Variants in NKPD1 observed in about 807,000 individuals in gnomAD.
The protein encoded by NKPD1 is NTPase KAP family P-loop domain-containing protein 1.
NKPD1 carries 37 observed loss-of-function variants against 42.2 expected under a neutral mutation model. The observed-to-expected ratio is 0.88, with a 90% CI of 0.67 to 1.15. The LOEUF (loss-of-function observed/expected upper bound fraction) is 1.15. NKPD1 is among the 50% of genes most tolerant of loss of function. The pLI, the probability that NKPD1 is intolerant of heterozygous loss-of-function variation, is 0.00. For missense variants in NKPD1, 1,113 were observed against 1,174.6 expected (o/e 0.95, Z 0.77); for synonymous variants, 552 against 536.5 (o/e 1.03, Z -0.40).
chr19:45,152,924 C>G lies in NKPD1; in HGVS notation c.1513G>C (p.Ala505Pro). 6.3e-7 allele frequency: 1 copy of G among 1,580,040 alleles called. No homozygotes were observed. The highest frequency in any genetic ancestry group is 8.6e-7 in the Non-Finnish European group (1 of 1,161,066). Reference sequence around the variant, plus strand: ...TCGGCCGTGCCCTTCATGTTGCCCGCGCTCTCTAGGCACGCGGCCAGGATG... The same window carrying G: ...TCGGCCGTGCCCTTCATGTTGCCCGGGCTCTCTAGGCACGCGGCCAGGATG... ...PSILAACLES[A>P]GNMKGTADNG... The change falls in exon 5 of 5, where the codon GCG becomes CCG. Residue 505 changes from alanine to proline, a missense_variant. Physicochemically the swap from Ala to Pro is conservative, Grantham distance 27. This residue lies in a region of NKPD1 where 867 missense variants were observed against 870.1 expected (regional missense o/e 1.00). Coordinates refer to ENST00000686631, the MANE Select transcript of NKPD1 (RefSeq NM_198478.4).
rs1431893138 is a variant in NKPD1 at position 45,149,942 on chromosome 19, T to C, written c.*1996A>G. ...GAAGGGAAACCTGCTCCCTGACTCA[T>C]TGCTGGGAAAGGCGCACAGGTCAGC... On this transcript the variant is annotated 3_prime_UTR_variant, in exon 5 of 5. Transcript: ENST00000686631. The C allele has an allele frequency of 6.6e-6, 1 of 152,198 alleles. No individual in the cohort carries two copies. The highest frequency in any genetic ancestry group is 2.4e-5 in the African/African-American group (1 of 41,436). 9.4% of individuals were successfully genotyped at this position (152,198 alleles called of 1,614,324 possible).
chr19:45,161,065 C>T (rs1357578427), upstream of NKPD1, among the ~76,000 whole-genome samples: 1 of 152,228 alleles, frequency 6.6e-6, no homozygotes, highest in Non-Finnish European at 1.5e-5. Context: ...CCCGCCCCTT[C>T]CCCAGCGCCT....
Position 45,153,135 on chromosome 19 carries a change from C to T in NKPD1, c.1302G>A (p.Val434=). 1 of 1,576,506 alleles carries T rather than the reference C, an allele frequency of 6.3e-7. No individual in the cohort carries two copies. The highest frequency in any genetic ancestry group is 8.6e-7 in the Non-Finnish European group (1 of 1,161,966). ...LGFMCEVKKE[V]ELLTDFLCFL... ...AGCACAGGAAGTCGGTGAGCAGCTC[C>T]ACCTCCTTCTTCACCTCGCACATGA... Residue 434 remains valine, a synonymous_variant, in exon 5 of 5, where the codon GTG becomes GTA. Transcript: ENST00000686631.
rs1170599659 is a variant in NKPD1 at position 45,153,641 on chromosome 19, C to T, written c.796G>A (p.Glu266Lys). 1.9e-6 allele frequency: 3 copies of T among 1,584,630 alleles called. No individual in the cohort carries two copies. Among genetic ancestry groups the T allele is most frequent in the African/African-American group, 1.3e-5 (1 of 74,566 alleles). Residue 266 changes from glutamate (E) to lysine (K), a missense_variant, in exon 5 of 5, where the codon GAG becomes AAG. Physicochemically the swap from Glu to Lys is moderately conservative, Grantham distance 56. Around this residue, in one of 3 missense-constraint regions of NKPD1, gnomAD observed 867 missense variants for 870.1 expected, o/e 1.00. Coordinates refer to ENST00000686631, the MANE Select transcript of NKPD1 (RefSeq NM_198478.4). ...YLVFLQPIITEVHLRRRNVQF... is the reference protein window; with the variant it reads ...YLVFLQPIITKVHLRRRNVQF... Reference sequence around the variant, plus strand: ...ACGTTCCTGCGCCGCAGGTGCACCTCGGTGATGATGGGCTGCAGGAACACC... The same window carrying T: ...ACGTTCCTGCGCCGCAGGTGCACCTTGGTGATGATGGGCTGCAGGAACACC...
chr19:45,159,653 C>T (rs1305688439), intron 2 of NKPD1, among the ~76,000 whole-genome samples: 4 of 152,076 alleles, frequency 2.6e-5, no homozygotes, highest in African/African-American at 4.8e-5. Context: ...GAGGGCACTG[C>T]CCCCTCCCCA....
chr19:45,155,697 G>A, intron 4 of NKPD1, 88 bp downstream of exon 4: 3 of 1,210,460 alleles, frequency 2.5e-6, no homozygotes, highest in East Asian at 5.9e-5. Flanking sequence ...CCACAGGGGT[G>A]GGGGGATCTG....
intron 4 of NKPD1, among the ~76,000 whole-genome samples, chr19:45,154,402 G>A (rs1968862727): frequency 6.6e-6 from 1 of 152,210 alleles, no homozygotes; most frequent in Non-Finnish European, 1.5e-5. Context: ...CTTGGTCACC[G>A]TGTCCCCTGG....
Position 45,152,669 on chromosome 19 carries a change from C to G in NKPD1, c.1768G>C (p.Asp590His). The G allele has an allele frequency of 2.6e-6, 4 of 1,540,148 alleles. No homozygotes were observed. The highest frequency in any genetic ancestry group is 3.5e-6 in the Non-Finnish European group (4 of 1,150,296). ...AGTERGQGRI[D>H]DEAARRIQEA... ...TGGATTCGCCGCGCCGCCTCGTCGT[C>G]GATGCGGCCCTGCCCGCGCTCCGTC... Residue 590 changes from aspartate to histidine, a missense_variant, in exon 5 of 5, where the codon GAC becomes CAC. By Grantham distance (81) the Asp-to-His change is moderately conservative (BLOSUM62 -1). Transcript: ENST00000686631.
At chr19:45,157,048 T>C (rs1968916181) in intron 3 of NKPD1, among the ~76,000 whole-genome samples, 1 of 152,190 alleles carries the variant, frequency 6.6e-6, no homozygotes, top group Non-Finnish European at 1.5e-5. Context: ...TCCCTGTTGC[T>C]CTACTTTCAA....
chr19:45,152,928 C>G lies in NKPD1; in HGVS notation c.1509G>C (p.Glu503Asp), dbSNP rs376574586. Residue 503 changes from glutamate to aspartate, a missense_variant, in exon 5 of 5, where the codon GAG becomes GAC. Transcript: ENST00000686631. ...VDPSILAACL[E>D]SAGNMKGTAD... ...CCGTGCCCTTCATGTTGCCCGCGCTCTCTAGGCACGCGGCCAGGATGCTGG... is the reference window on the plus strand; with the variant it reads ...CCGTGCCCTTCATGTTGCCCGCGCTGTCTAGGCACGCGGCCAGGATGCTGG... 2.3e-5 allele frequency: 37 copies of G among 1,582,380 alleles called. No individual in the cohort carries two copies. In the African/African-American group the frequency reaches 5.0e-4, roughly 21 times the overall value.
Position 45,152,442 on chromosome 19 carries a change from G to T in NKPD1, c.1995C>A (p.Cys665Ter). ...AWVVLANQWP[C>*]RLSWALQCLE... is the part of the protein sequence containing the mutation. ...GGCACTGCAGCGCCCAGCTCAGGCG[G>T]CACGGCCACTGGTTGGCGAGCACCA... The change falls in exon 5 of 5, where the codon TGC becomes TGA. Residue 665 changes from cysteine (C) to a stop codon, truncating the protein, a stop_gained. Coordinates refer to ENST00000686631, the MANE Select transcript of NKPD1 (RefSeq NM_198478.4). LOFTEE classifies it low-confidence loss of function (END_TRUNC). The T allele has an allele frequency of 6.4e-7, 1 of 1,558,570 alleles. No individual in the cohort carries two copies. The highest frequency in any genetic ancestry group is 8.6e-7 in the Non-Finnish European group (1 of 1,156,218).
chr19:45,151,923 C>T lies in NKPD1; in HGVS notation c.*15G>A, dbSNP rs1010462575. 2.6e-6 allele frequency: 4 copies of T among 1,527,960 alleles called. No individual in the cohort carries two copies. Among genetic ancestry groups the T allele is most frequent in the African/African-American group, 1.4e-5 (1 of 71,328 alleles). The allele number at this position is 1,527,960 out of a possible 1,614,324, so 94.7% of individuals were successfully genotyped here. On this transcript the variant is annotated 3_prime_UTR_variant, in exon 5 of 5. Coordinates refer to ENST00000686631, the MANE Select transcript of NKPD1 (RefSeq NM_198478.4). ...GGAGGAACCCTTGCCTCCTGCTGCC[C>T]GCCAAGTCCTCCATTTAAGGCCCAC...
rs905593032 is a variant in NKPD1, at chr19:45,158,917, G to C, written c.275C>G (p.Pro92Arg). Reference sequence around the variant, plus strand: ...GAGCCGCTGCCGCAGGGGGCTGGGAGGTGAGGGCTGGGACTGGGGCTGCCG... The same window carrying C: ...GAGCCGCTGCCGCAGGGGGCTGGGACGTGAGGGCTGGGACTGGGGCTGCCG... ...QQRQPQSQPS[P>R]PSPLRQRLCP... Residue 92 changes from proline (P) to arginine (R), a missense_variant, in exon 3 of 5, where the codon CCT becomes CGT. Physicochemically the swap from Pro to Arg is moderately radical, Grantham distance 103 (BLOSUM62 -2). Transcript: ENST00000686631. This position sits in a 1 kb window ranked among gnomAD's most constrained non-coding sequence, Gnocchi z 4.6. 1 of 1,297,268 alleles carries C rather than the reference G, an allele frequency of 7.7e-7. No homozygotes were observed. Among genetic ancestry groups the C allele is most frequent in the Non-Finnish European group, 1.0e-6 (1 of 986,072 alleles). The allele number at this position is 1,297,268 out of a possible 1,614,324, so 80.4% of individuals were successfully genotyped here.
Position 45,152,900 on chromosome 19 carries a change from C to G in NKPD1, c.1537G>C (p.Asp513His). 2 of 1,581,510 alleles carry G rather than the reference C, an allele frequency of 1.3e-6. No individual in the cohort carries two copies. Among genetic ancestry groups the G allele is most frequent in the Non-Finnish European group, 1.7e-6 (2 of 1,160,992 alleles). Residue 513 changes from aspartate (D) to histidine (H), a missense_variant, in exon 5 of 5, where the codon GAT (aspartate) becomes CAT (histidine). Physicochemically the swap from Asp to His is moderately conservative, Grantham distance 81. Coordinates refer to ENST00000686631, the MANE Select transcript of NKPD1 (RefSeq NM_198478.4). ...ESAGNMKGTA[D>H]NGYLFLNRTV... ...CGGTTGAGGAAGAGGTAGCCGTTAT[C>G]GGCCGTGCCCTTCATGTTGCCCGCG...
Position 45,152,654 on chromosome 19 carries a change from G to A in NKPD1, c.1783C>T (p.Arg595Trp). The A allele has an allele frequency of 3.9e-6, 6 of 1,547,452 alleles. No homozygotes were observed. The highest frequency in any genetic ancestry group is 4.3e-6 in the Non-Finnish European group (5 of 1,155,312). ...CAGAAGAGCGCCTCCTGGATTCGCCGCGCCGCCTCGTCGTCGATGCGGCCC... is the reference window on the plus strand; with the variant it reads ...CAGAAGAGCGCCTCCTGGATTCGCCACGCCGCCTCGTCGTCGATGCGGCCC... ...GQGRIDDEAA[R>W]RIQEALFCLH... Residue 595 changes from arginine to tryptophan, a missense_variant, in exon 5 of 5, where the codon CGG becomes TGG. This residue lies in a region of NKPD1 where 867 missense variants were observed against 870.1 expected (regional missense o/e 1.00). Transcript: ENST00000686631.
chr19:45,154,109 C>T (rs1399791637), intron 4 of NKPD1, among the ~76,000 whole-genome samples: 14 of 152,026 alleles, frequency 9.2e-5, no homozygotes, highest in Admixed American at 9.2e-4. Flanking sequence ...GGAGGCGGAG[C>T]GAGGGTGTGG....
At chr19:45,156,272 G>A (rs1340264902) in intron 3 of NKPD1, among the ~76,000 whole-genome samples, 2 of 152,300 alleles carry the variant, frequency 1.3e-5, no homozygotes, top group South Asian at 2.1e-4. Context: ...TTTGGGATAC[G>A]AGGCCCTCAG....
chr19:45,159,498 G>C (rs1968967594), intron 2 of NKPD1, among the ~76,000 whole-genome samples: 1 of 152,150 alleles, frequency 6.6e-6, no homozygotes, highest in African/African-American at 2.4e-5. Flanking sequence ...GGAGTGATGG[G>C]TGGTGGCGTG....
At chr19:45,162,429 G>A (rs902447323), upstream of NKPD1, among the ~76,000 whole-genome samples, 2 of 152,194 alleles carry the variant, frequency 1.3e-5, no homozygotes, top group Non-Finnish European at 2.9e-5. Flanking sequence ...GGGCAGCTCT[G>A]AGCCTGGGGC....
Sources: gnomAD v4.1 joint callset for allele counts (sites outside exome capture counted in the v4.1 genomes callset) on GRCh38, gnomAD v4.1.1 for gene constraint, gnomAD v4.1.1 regional missense constraint, Gnocchi (gnomAD v3.1) non-coding constraint, MANE v1.5 for transcripts, NCBI Gene and HGNC (gene_info 2026-07-23, HGNC 2026-07-21) for gene names.